Variants in VWA5B1 observed in about 807,000 individuals in gnomAD.
VWA5B1 encodes von Willebrand factor A domain containing 5B1, also known as von Willebrand factor A domain-containing protein 5B1.
VWA5B1 carries 115 observed loss-of-function variants against 118.2 expected under a neutral mutation model. The ratio of observed to expected loss-of-function variants is 0.97; its 90% CI spans 0.84 to 1.14. The LOEUF (loss-of-function observed/expected upper bound fraction) is 1.14. VWA5B1 is among the 50% of genes most tolerant of loss of function. The probability of loss-of-function intolerance (pLI) is 0.00; values close to 1 mark genes in which losing one functional copy is unlikely to be tolerated. For synonymous variants in VWA5B1, 682 were observed against 658.4 expected (o/e 1.04, Z -0.55); for missense variants, 1,596 against 1,603.8 (o/e 1.00, Z 0.08).
In VWA5B1 at chr1:20,330,359, G is replaced by A; in HGVS notation, c.1434G>A (p.Val478=). The A allele has an allele frequency of 1.3e-6, 2 of 1,551,742 alleles. No individual in the cohort carries two copies. The highest frequency in any genetic ancestry group is 2.4e-5 in the East Asian group (1 of 40,908). Residue 478 remains valine (V), a synonymous_variant, in exon 10 of 22, where the codon GTG becomes GTA. Coordinates refer to ENST00000289815, the MANE Select transcript of VWA5B1 (RefSeq NM_001039500.3). ...VNNTGKVLEL[V]RNHAFSTRCY... is the part of the protein sequence containing the mutation. ...ACACAGGGAAGGTGCTGGAGCTGGTGCGAAATCACGCCTTCTCCACCAGGT... is the reference window on the plus strand; with the variant it reads ...ACACAGGGAAGGTGCTGGAGCTGGTACGAAATCACGCCTTCTCCACCAGGT...
intron 12 of VWA5B1, among the ~76,000 whole-genome samples, chr1:20,333,190 C>A (rs997356803): frequency 1.3e-5 from 2 of 152,190 alleles, no homozygotes; most frequent in Non-Finnish European, 2.9e-5. Context: ...AGAGCCCCTG[C>A]AGTAGAACCA....
Position 20,330,289 on chromosome 1 carries a change from G to A in VWA5B1, c.1364G>A (p.Gly455Asp). 1 of 1,551,802 alleles carries A rather than the reference G, an allele frequency of 6.4e-7. No homozygotes were observed. The highest frequency in any genetic ancestry group is 2.4e-5 in the East Asian group (1 of 40,920). ...KWVIRQPVHR[G>D]HPRLLFVITD... is the part of the protein sequence containing the mutation. ...GTCATCAGGCAGCCAGTGCACCGAG[G>A]CCACCCGCGGCTCCTCTTCGTGATC... The change falls in exon 10 of 22, where the codon GGC becomes GAC. Residue 455 changes from glycine (G) to aspartate (D), a missense_variant. By Grantham distance (94) the Gly-to-Asp change is moderately conservative. Coordinates refer to ENST00000289815, the MANE Select transcript of VWA5B1 (RefSeq NM_001039500.3).
chr1:20,348,540 G>A (rs2090057090), intron 18 of VWA5B1, among the ~76,000 whole-genome samples, 182 bp downstream of exon 18: 1 of 152,088 alleles, frequency 6.6e-6, no homozygotes, highest in Non-Finnish European at 1.5e-5. Flanking sequence ...GGGACAGAGA[G>A]GCTCGGTATG....
At chr1:20,350,128 T>A in intron 18 of VWA5B1, 28 bp from the exon 19 acceptor site, 1 of 1,548,222 alleles carries the variant, frequency 6.5e-7, no homozygotes, top group East Asian at 2.4e-5. Context: ...AGGGGAGAGG[T>A]CCAGCCTCAC....
chr1:20,291,040 A>G lies in VWA5B1; in HGVS notation c.-75A>G, dbSNP rs2088286913. On this transcript the variant is annotated 5_prime_UTR_variant, in exon 1 of 22. Transcript: ENST00000289815. ...GGGTGCAGAAGGCAGTCACTGTGGC[A>G]GTGGAGAGACAGAGTGTGTACCCAG... The G allele has an allele frequency of 6.6e-6, 1 of 152,334 alleles. No individual in the cohort carries two copies. 9.4% of individuals were successfully genotyped at this position (152,334 alleles called of 1,614,324 possible).
At chr1:20,350,790 G>C in intron 19 of VWA5B1, 67 bp from the exon 20 acceptor site, 1 of 1,461,882 alleles carries the variant, frequency 6.8e-7, no homozygotes, top group Non-Finnish European at 9.4e-7. Context: ...TGTTCCCCCA[G>C]TTGGTCAGTG....
Position 20,354,132 on chromosome 1 carries a change from C to T in VWA5B1, c.3517C>T (p.Gln1173Ter). 1 of 1,551,398 alleles carries T rather than the reference C, an allele frequency of 6.4e-7. No homozygotes were observed. Among genetic ancestry groups the T allele is most frequent in the Non-Finnish European group, 8.7e-7 (1 of 1,147,000 alleles). ...TGCCAAGGCCAACTCATGGCTGGAGCAGCAGGAAGTACCCGAGGGCCGCAC... is the reference window on the plus strand; with the variant it reads ...TGCCAAGGCCAACTCATGGCTGGAGTAGCAGGAAGTACCCGAGGGCCGCAC... ...VAAKANSWLE[Q>*]QEVPEGRTQG... Residue 1173 changes from glutamine to a stop codon, truncating the protein, a stop_gained, in exon 22 of 22, where the codon CAG (glutamine) becomes TAG (stop). Coordinates refer to ENST00000289815, the MANE Select transcript of VWA5B1 (RefSeq NM_001039500.3). LOFTEE classifies it high-confidence loss of function.
intron 20 of VWA5B1, 75 bp downstream of exon 20, chr1:20,351,001 A>G: frequency 7.0e-7 from 1 of 1,430,664 alleles, no homozygotes; most frequent in Non-Finnish European, 9.6e-7. Flanking sequence ...GTTTTCCCTG[A>G]CTTGGAAGGC....
chr1:20,306,067 A>G (rs1394607287), intron 1 of VWA5B1, among the ~76,000 whole-genome samples: 2 of 152,210 alleles, frequency 1.3e-5, no homozygotes, highest in Non-Finnish European at 2.9e-5. Context: ...AAGGAGGCAG[A>G]TGAAAAGCAA....
rs1344765454 is a variant in VWA5B1 at position 20,291,349 on chromosome 1, CTTTCTT to C, written c.-27+263_-27+268del. ...TCCAGCTCTCTCTCTCTCTTTCTTT[CTTTCTT>C]TCTTTCTCTCTCTCTCTCTCTCTCT... On this transcript the variant is annotated intron_variant, in intron 1 of 21. Coordinates refer to ENST00000289815, the MANE Select transcript of VWA5B1 (RefSeq NM_001039500.3). 6.6e-4 allele frequency among the ~76,000 whole-genome samples: 82 copies of C among 123,944 alleles called. 1 individual carries two copies. Among genetic ancestry groups the C allele is most frequent in the Admixed American group, 3.0e-3 (37 of 12,402 alleles). 81.3% of individuals were successfully genotyped at this position (123,944 alleles called of 152,430 possible).
At chr1:20,343,794 C>T (rs542964434) in intron 16 of VWA5B1, among the ~76,000 whole-genome samples, 98 of 47,502 alleles carry the variant, frequency 2.1e-3, no homozygotes, top group Admixed American at 3.1e-3. Context: ...CCCGCCCCCC[C>T]TCTCCCGTCG....
At chr1:20,317,942 T>G (rs976558006) in intron 5 of VWA5B1, among the ~76,000 whole-genome samples, 1 of 151,420 alleles carries the variant, frequency 6.6e-6, no homozygotes, top group Non-Finnish European at 1.5e-5. Flanking sequence ...CCCTTGGTTC[T>G]CTCCTAGAGG....
intron 8 of VWA5B1, among the ~76,000 whole-genome samples, chr1:20,326,424 G>A (rs2089382661): frequency 1.3e-5 from 2 of 152,172 alleles, no homozygotes; most frequent in Admixed American, 1.3e-4. Context: ...TGCCAAGGCA[G>A]AGCCAACATG....
chr1:20,309,677 T>C (rs1006489849), intron 1 of VWA5B1, among the ~76,000 whole-genome samples: 2 of 151,778 alleles, frequency 1.3e-5, no homozygotes, highest in African/African-American at 4.8e-5. Context: ...TAGAAGAGGG[T>C]AGTGGGGTAG....
At chr1:20,344,574 G>A (rs2089968992) in intron 16 of VWA5B1, among the ~76,000 whole-genome samples, 1 of 152,184 alleles carries the variant, frequency 6.6e-6, no homozygotes, top group South Asian at 2.1e-4. Flanking sequence ...AGGGATCCAA[G>A]AGATTGTATA....
At position 20,343,367 on chromosome 1, in the gene VWA5B1, C is replaced by A. The variant is rs1476778019; in HGVS notation, c.2600C>A (p.Ala867Glu). Residue 867 changes from alanine (A) to glutamate (E), a missense_variant, in exon 16 of 22, where the codon GCG (alanine) becomes GAG (glutamate). Ala to Glu is a moderately radical substitution (Grantham distance 107). Coordinates refer to ENST00000289815, the MANE Select transcript of VWA5B1 (RefSeq NM_001039500.3). ...ATCATCCGCGACTTCGAGCAGCTGG[C>A]GGAGCGCGAGGGCGAGATCGAGCAG... ...RAIIRDFEQL[A>E]EREGEIEQGS... 3 of 1,536,594 alleles carry A rather than the reference C, an allele frequency of 2.0e-6. No individual in the cohort carries two copies. Among genetic ancestry groups the A allele is most frequent in the Admixed American group, 2.0e-5 (1 of 50,796 alleles).
intron 1 of VWA5B1, among the ~76,000 whole-genome samples, chr1:20,291,820 T>C (rs1175572163): frequency 2.0e-5 from 3 of 152,162 alleles, no homozygotes; most frequent in Non-Finnish European, 4.4e-5. Context: ...AGGCGGCTAG[T>C]GGAGAGGAAC....
intron 18 of VWA5B1, chr1:20,349,329 T>G: frequency 5.8e-6 from 1 of 171,944 alleles, no homozygotes; most frequent in African/African-American, 2.4e-5. Flanking sequence ...GAAGCTTAGC[T>G]TTTGGTGGCC....
At chr1:20,319,928 A>G (rs1157906566) in intron 7 of VWA5B1, among the ~76,000 whole-genome samples, 1 of 151,738 alleles carries the variant, frequency 6.6e-6, no homozygotes, top group Non-Finnish European at 1.5e-5. Flanking sequence ...TTGCTATGAC[A>G]TAAAGGACAA....
Sources: gnomAD v4.1 joint callset for allele counts (sites outside exome capture counted in the v4.1 genomes callset) on GRCh38, gnomAD v4.1.1 for gene constraint, MANE v1.5 for transcripts, NCBI Gene and HGNC (gene_info 2026-07-23, HGNC 2026-07-21) for gene names.